The following IL19 variants were observed in gnomAD, a reference collection of about 807,000 sequenced individuals.
IL19 encodes interleukin-19.
In IL19, 15 loss-of-function variants were observed where a neutral mutation model predicts 19.5. The observed-to-expected ratio is 0.77, with a 90% CI of 0.52 to 1.19. The LOEUF is 1.19. Among genes scored for constraint, IL19 ranks in the 50% most tolerant of loss-of-function variants. The pLI is 0.00. For synonymous variants in IL19, 78 were observed against 78.3 expected, an observed-to-expected ratio of 1.00 and a Z score of 0.02; for missense variants, 199 against 213.1, an observed-to-expected ratio of 0.93 and a Z score of 0.41.
intron 2 of IL19, among the ~76,000 whole-genome samples, chr1:206,832,721 C>T: frequency 6.6e-6 from 1 of 152,066 alleles, no homozygotes; most frequent in Admixed American, 6.6e-5. Context: ...TGGCATGCTA[C>T]CAAGAAGAGA....
At chr1:206,830,784 G>GTGTTA (rs1676580135) in intron 2 of IL19, among the ~76,000 whole-genome samples, 4 of 152,096 alleles carry the variant, frequency 2.6e-5, no homozygotes, top group African/African-American at 9.7e-5. Flanking sequence ...TCACCACATT[G>GTGTTA]GCTAGGATGG....
intron 2 of IL19, among the ~76,000 whole-genome samples, chr1:206,815,766 C>A (rs17016480): frequency 0.18 from 26,711 of 151,902 alleles, 3,256 homozygotes; most frequent in African/African-American, 0.34. Context: ...AAAATGATAG[C>A]AAATTTCTCA....
intron 2 of IL19, 28 bp downstream of exon 2, chr1:206,799,034 G>T (rs1197377647): frequency 6.9e-7 from 1 of 1,452,412 alleles, no homozygotes; most frequent in African/African-American, 1.4e-5. Context: ...TAGGGACCCT[G>T]GATGTGGAGC....
At chr1:206,787,289 A>C (rs1675290238) in intron 1 of IL19, among the ~76,000 whole-genome samples, 1 of 152,218 alleles carries the variant, frequency 6.6e-6, no homozygotes, top group Non-Finnish European at 1.5e-5. Flanking sequence ...TTTTAAAAAA[A>C]TCCTCCAGTG....
chr1:206,821,512 G>A (rs558317341), intron 2 of IL19, among the ~76,000 whole-genome samples: 12 of 152,352 alleles, frequency 7.9e-5, no homozygotes, highest in Admixed American at 6.5e-4. Flanking sequence ...CTTGGACAAC[G>A]TTGGCACTTC....
chr1:206,822,401 T>A (rs1676311570), intron 2 of IL19, among the ~76,000 whole-genome samples: 1 of 152,164 alleles, frequency 6.6e-6, no homozygotes, highest in African/African-American at 2.4e-5. Context: ...GTTCTACTTG[T>A]GCTCCTCTTC....
intron 1 of IL19, among the ~76,000 whole-genome samples, chr1:206,789,644 T>C (rs1385901657): frequency 6.6e-6 from 1 of 152,178 alleles, no homozygotes. Context: ...ATAGGTAACC[T>C]TGTGTCATGG....
intron 2 of IL19, among the ~76,000 whole-genome samples, chr1:206,829,409 G>A (rs1397764762): frequency 6.6e-6 from 1 of 152,128 alleles, no homozygotes; most frequent in East Asian, 1.9e-4. Context: ...GAGGGGAGAA[G>A]TTTCACAAAG....
intron 1 of IL19, among the ~76,000 whole-genome samples, chr1:206,792,908 T>G (rs1208626111): frequency 6.6e-6 from 1 of 152,198 alleles, no homozygotes; most frequent in Non-Finnish European, 1.5e-5. Context: ...CTGCTGTCCC[T>G]TAACAGAGCT....
At chr1:206,788,244 A>G (rs1043718658) in intron 1 of IL19, among the ~76,000 whole-genome samples, 2 of 152,190 alleles carry the variant, frequency 1.3e-5, no homozygotes, top group Admixed American at 6.5e-5. Context: ...ACCATATGCT[A>G]TAGACTAAGA....
rs1675602119 is a variant in IL19 at position 206,798,944 on chromosome 1, T to C, written c.-65T>C. ...CACAGATCTGCGTGTTCCTTACCAC[T>C]CACACATGTGCACACACATATCCAT... On this transcript the variant is annotated 5_prime_UTR_variant, in exon 2 of 7. Transcript: ENST00000659997. The C allele has an allele frequency of 1.2e-6, 2 of 1,614,044 alleles. No individual in the cohort carries two copies. Among genetic ancestry groups the C allele is most frequent in the East Asian group, 2.2e-5 (1 of 44,882 alleles).
At chr1:206,773,600 G>A (rs1410861349) in intron 1 of IL19, among the ~76,000 whole-genome samples, 1 of 150,598 alleles carries the variant, frequency 6.6e-6, no homozygotes, top group Non-Finnish European at 1.5e-5. Context: ...GTGTGTGTGT[G>A]TGTGTGTGTG....
intron 2 of IL19, among the ~76,000 whole-genome samples, chr1:206,801,207 C>T (rs77654292): frequency 0.016 from 2,478 of 151,886 alleles, 34 homozygotes; most frequent in Non-Finnish European, 0.025. Flanking sequence ...GCCTCCAGAC[C>T]CCTGTGTCCT....
At chr1:206,814,936 T>A (rs1398190746) in intron 2 of IL19, among the ~76,000 whole-genome samples, 3 of 152,216 alleles carry the variant, frequency 2.0e-5, no homozygotes, top group Non-Finnish European at 2.9e-5. Flanking sequence ...ACTAATCATC[T>A]GAAACCTTAG....
intron 2 of IL19, among the ~76,000 whole-genome samples, chr1:206,833,350 T>C (rs1297201104): frequency 6.6e-6 from 1 of 152,242 alleles, no homozygotes; most frequent in Non-Finnish European, 1.5e-5. Context: ...TGGCTAAAAC[T>C]GGCTTGTTTC....
intron 2 of IL19, among the ~76,000 whole-genome samples, chr1:206,827,801 G>A (rs1676476878): frequency 6.6e-6 from 1 of 152,158 alleles, no homozygotes; most frequent in African/African-American, 2.4e-5. Context: ...GCTCTTTCAT[G>A]TCTGGTGTAA....
intron 1 of IL19, among the ~76,000 whole-genome samples, chr1:206,797,792 T>C (rs1459107821): frequency 6.6e-6 from 1 of 152,072 alleles, no homozygotes; most frequent in African/African-American, 2.4e-5. Flanking sequence ...CTGGAGAAGG[T>C]GTCGTGGTTG....
In IL19 at chr1:206,833,631, G is replaced by C. The variant is rs41303269; in HGVS notation, c.-2-3030G>C. The C allele has an allele frequency of 9.1e-3, 8,938 of 982,474 alleles. 69 individuals are homozygous for C. Among genetic ancestry groups the C allele is most frequent in the Non-Finnish European group, 9.8e-3 (8,124 of 827,156 alleles). The allele number at this position is 982,474 out of a possible 1,614,324, so 60.9% of individuals were successfully genotyped here. A position where few individuals can be genotyped will look rare whatever the true frequency, so the allele number is the denominator to read the frequency against. ...AGAGTTTATGTAAAAAGGTAATTTA[G>C]TTAGAGAGTCTTCTAGCCCAAGAAT... On this transcript the variant is annotated intron_variant, in intron 2 of 6. Coordinates refer to ENST00000659997, the MANE Select transcript of IL19 (RefSeq NM_153758.5).
At chr1:206,819,336 A>G (rs1292868534) in intron 2 of IL19, among the ~76,000 whole-genome samples, 1 of 152,104 alleles carries the variant, frequency 6.6e-6, no homozygotes, top group Non-Finnish European at 1.5e-5. Context: ...CTGTAATCCC[A>G]GCACTTTGGG....
Sources: allele counts gnomAD v4.1 joint callset (sites outside exome capture counted in the v4.1 genomes callset), GRCh38; gene constraint gnomAD v4.1.1; transcripts MANE v1.5; gene names NCBI Gene and HGNC (gene_info 2026-07-23, HGNC 2026-07-21).